Variants in GRB2 observed in about 807,000 individuals in gnomAD.
GRB2 encodes the protein growth factor receptor bound protein 2, also known as growth factor receptor-bound protein 2.
A neutral mutation model predicts 27.4 loss-of-function variants in GRB2; 2 were observed. The observed-to-expected ratio is 0.07, with a 90% CI of 0.03 to 0.23. The LOEUF (loss-of-function observed/expected upper bound fraction) is 0.23, where lower values mean the gene tolerates loss of function less well. Among genes scored for constraint, GRB2 ranks in the 10% least tolerant of loss-of-function variants. The pLI is 1.00. For synonymous variants in GRB2, 94 were observed against 99.6 expected (o/e 0.94, Z 0.33); for missense variants, 102 against 282.4 (o/e 0.36, Z 4.58).
At chr17:75,383,223 G>A (rs1280658226) in intron 2 of GRB2, among the ~76,000 whole-genome samples, 1 of 151,944 alleles carries the variant, frequency 6.6e-6, no homozygotes, top group African/African-American at 2.4e-5. Flanking sequence ...CCAAAGCTTC[G>A]GTAAACTACA....
chr17:75,383,571 G>A (rs1176855919), intron 2 of GRB2, among the ~76,000 whole-genome samples: 5 of 152,072 alleles, frequency 3.3e-5, no homozygotes, highest in African/African-American at 1.2e-4. Flanking sequence ...TAGGCTGGGC[G>A]GGTGGCTCAC....
At chr17:75,384,129 G>A (rs1005771436) in intron 2 of GRB2, among the ~76,000 whole-genome samples, 1 of 152,140 alleles carries the variant, frequency 6.6e-6, no homozygotes, top group Non-Finnish European at 1.5e-5. Flanking sequence ...GGGAGTAGCT[G>A]CCAAAAGGAC....
chr17:75,321,490 C>T (rs914310176), intron 5 of GRB2, among the ~76,000 whole-genome samples, 169 bp downstream of exon 5: 6 of 152,082 alleles, frequency 3.9e-5, no homozygotes, highest in African/African-American at 1.4e-4. Flanking sequence ...AAAAAGAACT[C>T]TTTAGTGTGA....
At chr17:75,350,400 T>C (rs1467334135) in intron 2 of GRB2, among the ~76,000 whole-genome samples, 1 of 152,216 alleles carries the variant, frequency 6.6e-6, no homozygotes, top group African/African-American at 2.4e-5. Flanking sequence ...GTAAGTTCTA[T>C]GAGTCCAGAG....
rs116243624 is a variant in GRB2, at chr17:75,383,153, A to G, written c.78+10398T>C. Among the ~76,000 whole-genome samples, 1,447 of 151,574 alleles carry G rather than the reference A, an allele frequency of 9.5e-3. 32 individuals carry two copies. Among genetic ancestry groups the G allele is most frequent in the South Asian group, 0.05 (233 of 4,696 alleles). On this transcript the variant is annotated intron_variant, in intron 2 of 5. Coordinates refer to ENST00000316804, the MANE Select transcript of GRB2 (RefSeq NM_002086.5). Reference sequence around the variant, plus strand: ...CCTTAATATCCTTAAAGTAAATACTATGAGTTTTTCCCAAGGCTGTTTTTT... The same window carrying G: ...CCTTAATATCCTTAAAGTAAATACTGTGAGTTTTTCCCAAGGCTGTTTTTT...
At chr17:75,322,643 G>A (rs921878993) in intron 4 of GRB2, among the ~76,000 whole-genome samples, 1 of 152,230 alleles carries the variant, frequency 6.6e-6, no homozygotes, top group Admixed American at 6.5e-5. Flanking sequence ...CAATAAAAGA[G>A]GCCCAGACTT....
intron 2 of GRB2, among the ~76,000 whole-genome samples, chr17:75,342,033 T>A (rs1183138729): frequency 6.6e-6 from 1 of 152,178 alleles, no homozygotes; most frequent in Admixed American, 6.6e-5. Flanking sequence ...CTAAACACAC[T>A]GTACTCCTCC....
chr17:75,360,107 C>A (rs1279758133), intron 2 of GRB2, among the ~76,000 whole-genome samples: 20 of 152,110 alleles, frequency 1.3e-4, no homozygotes, highest in Non-Finnish European at 1.5e-5. Flanking sequence ...CATGGCGAGA[C>A]CTTGTCTCTA....
intron 2 of GRB2, among the ~76,000 whole-genome samples, chr17:75,342,308 AGTATG>A (rs2078626551): frequency 6.6e-6 from 1 of 152,108 alleles, no homozygotes; most frequent in Non-Finnish European, 1.5e-5. Context: ...CACAGCTCTT[AGTATG>A]GTATCTAGCA....
At chr17:75,376,917 G>A (rs570771149) in intron 2 of GRB2, among the ~76,000 whole-genome samples, 1 of 151,978 alleles carries the variant, frequency 6.6e-6, no homozygotes, top group African/African-American at 2.4e-5. Context: ...AGACTAGGGT[G>A]GGAGGATCAA....
chr17:75,377,431 G>T (rs2078901213), intron 2 of GRB2, among the ~76,000 whole-genome samples: 1 of 151,814 alleles, frequency 6.6e-6, no homozygotes, highest in Admixed American at 6.6e-5. Flanking sequence ...GATCAGCCTG[G>T]GCAACATGGC....
intron 4 of GRB2, among the ~76,000 whole-genome samples, chr17:75,323,947 A>C (rs1460673345): frequency 6.6e-6 from 1 of 151,478 alleles, no homozygotes; most frequent in Non-Finnish European, 1.5e-5. Context: ...GTAGCTGGGA[A>C]TACAGGCATG....
chr17:75,399,765 G>A (rs2079052529), intron 1 of GRB2, among the ~76,000 whole-genome samples: 1 of 149,050 alleles, frequency 6.7e-6, no homozygotes, highest in South Asian at 2.1e-4. Flanking sequence ...CGTCTCCCAG[G>A]TTCATGCCAT....
At chr17:75,350,117 C>T (rs1342697262) in intron 2 of GRB2, among the ~76,000 whole-genome samples, 1 of 151,614 alleles carries the variant, frequency 6.6e-6, no homozygotes, top group African/African-American at 2.4e-5. Flanking sequence ...GCAGTCCCAG[C>T]TACCTGGGAA....
chr17:75,352,612 CAAAGGAG>C (rs2078699607), intron 2 of GRB2, among the ~76,000 whole-genome samples: 2 of 152,100 alleles, frequency 1.3e-5, no homozygotes, highest in Non-Finnish European at 2.9e-5. Context: ...AGTAGTTTCC[CAAAGGAG>C]AAAAGCGATC....
intron 2 of GRB2, among the ~76,000 whole-genome samples, chr17:75,360,558 TCA>T (rs1347898660): frequency 1.3e-5 from 2 of 152,152 alleles, no homozygotes; most frequent in Non-Finnish European, 2.9e-5. Context: ...CAACACTAGT[TCA>T]CACAGGACAG....
Position 75,318,100 on chromosome 17 carries a change from A to G in GRB2, c.*2268T>C, listed in dbSNP as rs971900027. 1.3e-5 allele frequency: 2 copies of G among 152,658 alleles called. No homozygotes were observed. Among genetic ancestry groups the G allele is most frequent in the Admixed American group, 6.5e-5 (1 of 15,284 alleles). The allele number at this position is 152,658 out of a possible 1,614,324, so 9.5% of individuals were successfully genotyped here. ...GTGAAGAATTCATTGTGTATTTATT[A>G]TTCACAGTTAATCACTACCTACCAA... On this transcript the variant is annotated 3_prime_UTR_variant, in exon 6 of 6. Transcript: ENST00000316804.
rs192424581 is a variant in GRB2 at position 75,355,889 on chromosome 17, G to A, written c.79-23092C>T. 3.8e-4 allele frequency among the ~76,000 whole-genome samples: 56 copies of A among 148,580 alleles called. 1 individual carries two copies. Among genetic ancestry groups the A allele is most frequent in the African/African-American group, 1.3e-3 (53 of 40,008 alleles). On this transcript the variant is annotated intron_variant, in intron 2 of 5. Coordinates refer to ENST00000316804, the MANE Select transcript of GRB2 (RefSeq NM_002086.5). ...CCTAGGTTGGAGTGTGGAGTACAGT[G>A]GCGTGATCTCGGCTTACTGCAACCT...
intron 4 of GRB2, 24 bp downstream of exon 4, chr17:75,325,874 G>A (rs1209316417): frequency 1.2e-6 from 2 of 1,612,152 alleles, no homozygotes; most frequent in Non-Finnish European, 1.7e-6. Flanking sequence ...AGGATTCCAG[G>A]CAACTGCAGC....
Sources: allele counts gnomAD v4.1 joint callset (sites outside exome capture counted in the v4.1 genomes callset), GRCh38; gene constraint gnomAD v4.1.1; transcripts MANE v1.5; gene names NCBI Gene and HGNC (gene_info 2026-07-23, HGNC 2026-07-21).